SGSH: variants seen among roughly 807,000 people sequenced by gnomAD.
The protein encoded by SGSH is N-sulfoglucosamine sulfohydrolase, also known as heparan sulfate sulfatase.
Under a neutral mutation model 51.0 loss-of-function variants are expected in SGSH, and 48 were observed. The observed-to-expected ratio is 0.94, with a 90% CI of 0.75 to 1.20. The LOEUF (loss-of-function observed/expected upper bound fraction) is 1.20. SGSH is among the 50% of genes most tolerant of loss of function. The pLI is 0.00. For synonymous variants in SGSH, 321 were observed against 313.4 expected (o/e 1.02, Z -0.26); for missense variants, 662 against 717.8 (o/e 0.92, Z 0.89).
At chr17:80,205,211 C>T (rs1486300021), downstream of SGSH, 1 of 1,607,666 alleles carries the variant, frequency 6.2e-7, no homozygotes, top group Non-Finnish European at 8.5e-7. Flanking sequence ...GGCAGGTATG[C>T]TGTTGCCTGG....
chr17:80,217,107 G>T lies in SGSH; in HGVS notation c.174C>A (p.Leu58=), dbSNP rs1278899264. Residue 58 remains leucine, a synonymous_variant, in exon 2 of 8, where the codon CTC becomes CTA. Transcript: ENST00000326317. ...CCGAGGTGAAGGCATTGCGAAAGAG[G>T]AGGCTGCGGCGGGCCAAGGCGTCCA... ...PHLDALARRS[L]LFRNAFTSVS... 1 of 1,606,098 alleles carries T rather than the reference G, an allele frequency of 6.2e-7. No homozygotes were observed. Among genetic ancestry groups the T allele is most frequent in the Admixed American group, 1.7e-5 (1 of 58,620 alleles).
In SGSH at chr17:80,213,275, G is replaced by A. The variant is rs548695735; in HGVS notation, c.745+529C>T. 1 of 154,606 alleles carries A rather than the reference G, an allele frequency of 6.5e-6. No individual in the cohort carries two copies. The highest frequency in any genetic ancestry group is 1.9e-4 in the East Asian group (1 of 5,218). 9.6% of individuals were successfully genotyped at this position (154,606 alleles called of 1,614,324 possible). On this transcript the variant is annotated intron_variant, in intron 6 of 7. Transcript: ENST00000326317. This position sits in a 1 kb window ranked among gnomAD's most constrained non-coding sequence, Gnocchi z 4.6. ...CATGTGAAGGCTTCAGCGGGGATGG[G>A]GGCGATTCTGCCGCCAGCCCAGGAA...
chr17:80,216,875 A>G, intron 2 of SGSH, 157 bp downstream of exon 2: 2 of 712,452 alleles, frequency 2.8e-6, no homozygotes, highest in Non-Finnish European at 4.6e-6. Flanking sequence ...CCTAGTCTGC[A>G]CTCACAGCCA....
chr17:80,209,943 C>T lies in SGSH; in HGVS notation c.*509G>A. The T allele has an allele frequency of 3.0e-6, 3 of 1,001,408 alleles. No homozygotes were observed. Among genetic ancestry groups the T allele is most frequent in the Non-Finnish European group, 3.6e-6 (3 of 837,888 alleles). The allele number at this position is 1,001,408 out of a possible 1,614,324, so 62.0% of individuals were successfully genotyped here. A position where few individuals can be genotyped will look rare whatever the true frequency, so the allele number is the denominator to read the frequency against. On this transcript the variant is annotated 3_prime_UTR_variant, in exon 8 of 8. Transcript: ENST00000326317. ...CTCTAGGCCAGACGCTGGTAAGAGC[C>T]AGGCGCCGTGCTCCCAGGTGAGTGT...
Position 80,209,613 on chromosome 17 carries a change from G to C in SGSH, c.*839C>G, listed in dbSNP as rs1324017810. 1 of 931,152 alleles carries C rather than the reference G, an allele frequency of 1.1e-6. No individual in the cohort carries two copies. The highest frequency in any genetic ancestry group is 1.3e-6 in the Non-Finnish European group (1 of 782,140). 57.7% of individuals were successfully genotyped at this position (931,152 alleles called of 1,614,324 possible). ...GAAGAATTAACCCAAGGCAGAGGAT[G>C]GGCATTGCCACCCAGCAACGCCAGT... On this transcript the variant is annotated 3_prime_UTR_variant, in exon 8 of 8. Transcript: ENST00000326317.
chr17:80,204,212 C>T (rs2041147794), downstream of SGSH: 2 of 1,574,314 alleles, frequency 1.3e-6, no homozygotes, highest in African/African-American at 2.7e-5. Flanking sequence ...CATCCTTTCT[C>T]TGTCCCTCCT....
At position 80,215,168 on chromosome 17, in the gene SGSH, C is replaced by A. The variant is rs767760866; in HGVS notation, c.250-30G>T. On this transcript the variant is annotated intron_variant, in intron 2 of 7. Transcript: ENST00000326317. Reference sequence around the variant, plus strand: ...CAGCAAAGGCGCATGAGGTCCGGGGCCCCCGGACAGCCAGAGCCCGCCTGC... The same window carrying A: ...CAGCAAAGGCGCATGAGGTCCGGGGACCCCGGACAGCCAGAGCCCGCCTGC... The A allele has an allele frequency of 2.6e-6, 4 of 1,543,462 alleles. No homozygotes were observed. In the African/African-American group the frequency reaches 4.1e-5, roughly 16 times the overall value.
chr17:80,218,234 G>T (rs758583391), intron 1 of SGSH, among the ~76,000 whole-genome samples: 2 of 152,244 alleles, frequency 1.3e-5, no homozygotes, highest in Non-Finnish European at 2.9e-5. Context: ...ATGTGTGTGC[G>T]TCCCACCGCT....
downstream of SGSH, chr17:80,205,117 CCGGCCT>C: frequency 6.2e-7 from 1 of 1,613,634 alleles, no homozygotes; most frequent in Non-Finnish European, 8.5e-7. Flanking sequence ...CCGCCCGGCC[CCGGCCT>C]GTGCTCCTCG....
At chr17:80,220,182 C>T in intron 1 of SGSH, 44 bp downstream of exon 1, 2 of 1,438,150 alleles carry the variant, frequency 1.4e-6, no homozygotes, top group Non-Finnish European at 9.3e-7. Flanking sequence ...GCCACTTCCC[C>T]GGGCCACCGC....
In SGSH at chr17:80,210,060, A is replaced by C; in HGVS notation, c.*392T>G. 9.1e-7 allele frequency: 1 copy of C among 1,104,014 alleles called. No individual in the cohort carries two copies. The highest frequency in any genetic ancestry group is 2.8e-5 in the South Asian group (1 of 35,778). The allele number at this position is 1,104,014 out of a possible 1,614,324, so 68.4% of individuals were successfully genotyped here. A position where few individuals can be genotyped will look rare whatever the true frequency, so the allele number is the denominator to read the frequency against. On this transcript the variant is annotated 3_prime_UTR_variant, in exon 8 of 8. Coordinates refer to ENST00000326317, the MANE Select transcript of SGSH (RefSeq NM_000199.5). Reference sequence around the variant, plus strand: ...AGTATCTGTGGCTGCCAAAGCCTGAAGAGGGCCTCAGGCCTCCCATTTGCA... The same window carrying C: ...AGTATCTGTGGCTGCCAAAGCCTGACGAGGGCCTCAGGCCTCCCATTTGCA...
intron 2 of SGSH, chr17:80,216,734 C>T (rs376698359): frequency 2.1e-6 from 1 of 472,518 alleles, no homozygotes; most frequent in Non-Finnish European, 3.9e-6. Flanking sequence ...CCCCGCCAAT[C>T]TCCATAACTA....
At chr17:80,202,694 CTGGATCCCCGTCTG>C, downstream of SGSH, 1 of 1,124,782 alleles carries the variant, frequency 8.9e-7, no homozygotes, top group Non-Finnish European at 1.2e-6. Flanking sequence ...ACGTTTGGGG[CTGGATCCCCGTCTG>C]TGGTGGGGCC....
Position 80,210,671 on chromosome 17 carries a change from G to C in SGSH, c.1290C>G (p.Tyr430Ter). ...PTGWYKDLRH[Y>*]YYRARWELYD... ...AGAGCTCCCAGCGCGCCCGGTAGTA[G>C]TAATGACGGAGGTCCTTGTACCAGC... Residue 430 changes from tyrosine (Y) to a stop codon, truncating the protein, a stop_gained, in exon 8 of 8, where the codon TAC (tyrosine) becomes TAG (stop). Coordinates refer to ENST00000326317, the MANE Select transcript of SGSH (RefSeq NM_000199.5). LOFTEE classifies it high-confidence loss of function. 6.2e-7 allele frequency: 1 copy of C among 1,614,086 alleles called. No homozygotes were observed.
At position 80,210,524 on chromosome 17, in the gene SGSH, C is replaced by A. The variant is rs772670559; in HGVS notation, c.1437G>T (p.Trp479Cys). 7 of 1,610,856 alleles carry A rather than the reference C, an allele frequency of 4.3e-6. No individual in the cohort carries two copies. The highest frequency in any genetic ancestry group is 5.9e-6 in the Non-Finnish European group (7 of 1,179,708). The change falls in exon 8 of 8, where the codon TGG becomes TGT. Residue 479 changes from tryptophan to cysteine, a missense_variant. Coordinates refer to ENST00000326317, the MANE Select transcript of SGSH (RefSeq NM_000199.5). ...AKWQWETHDP[W>C]VCAPDGVLEE... is the part of the protein sequence containing the mutation. ...CCAGGACGCCGTCGGGGGCGCACAC[C>A]CAGGGGTCGTGGGTCTCCCACTGCC...
At chr17:80,205,753 C>T, downstream of SGSH, 1 of 1,271,470 alleles carries the variant, frequency 7.9e-7, no homozygotes, top group Non-Finnish European at 1.0e-6. Flanking sequence ...GACCTGAGAC[C>T]TGGGTGACCT....
chr17:80,208,097 C>G (rs1238411969), downstream of SGSH: 4 of 1,433,658 alleles, frequency 2.8e-6, no homozygotes, highest in Non-Finnish European at 3.7e-6. Flanking sequence ...TGGGCCCTTG[C>G]TCTCCCCTGA....
the SGSH span, chr17:80,201,545 A>G: frequency 1.7e-6 from 1 of 605,340 alleles, no homozygotes; most frequent in East Asian, 2.8e-5. The surrounding 1 kb of genome is among the most constrained non-coding windows in gnomAD (Gnocchi z 5.0). Flanking sequence ...GGCCAGCACT[A>G]TGTGTAGCAC....
At chr17:80,215,994 A>G (rs191246390) in intron 2 of SGSH, among the ~76,000 whole-genome samples, 383 of 151,958 alleles carry the variant, frequency 2.5e-3, no homozygotes, top group African/African-American at 8.9e-3. Flanking sequence ...GTGCTACAGC[A>G]TATGGTTAAC....
Sources: allele counts gnomAD v4.1 joint callset (sites outside exome capture counted in the v4.1 genomes callset), GRCh38; gene constraint gnomAD v4.1.1; non-coding constraint Gnocchi (gnomAD v3.1); transcripts MANE v1.5; gene names NCBI Gene and HGNC (gene_info 2026-07-23, HGNC 2026-07-21).